The following BCL11B variants were observed in gnomAD, a reference collection of about 807,000 sequenced individuals.
BCL11B encodes BCL11 transcription factor B.
A neutral mutation model predicts 49.9 loss-of-function variants in BCL11B; 8 were observed. That is an observed-to-expected ratio of 0.16 (90% CI 0.09 to 0.29). BCL11B has a LOEUF of 0.29. Ranked by LOEUF, BCL11B falls within the 10% of genes least tolerant of loss-of-function variation. The probability of loss-of-function intolerance (pLI) is 1.00; values close to 1 mark genes in which losing one functional copy is unlikely to be tolerated. For missense variants in BCL11B, 1,006 were observed against 1,351.0 expected, an observed-to-expected ratio of 0.74 and a Z score of 4.00; for synonymous variants, 739 against 637.4, an observed-to-expected ratio of 1.16 and a Z score of -2.40.
At chr14:99,190,907 C>CGGGGGG (rs5810925) in intron 3 of BCL11B, among the ~76,000 whole-genome samples, 8 of 151,396 alleles carry the variant, frequency 5.3e-5, no homozygotes, top group African/African-American at 1.9e-4. Context: ...TTCGGCCACA[C>CGGGGGG]GGGGGGGGTC....
In BCL11B at chr14:99,175,219, C is replaced by A. The variant is rs376168981; in HGVS notation, c.1617G>T (p.Glu539Asp). ...TCTCCAGTAGCAGCTCCTCCTCCTC[C>A]TCCTCCTCCTCCTCGTCCTCCTCCT... is the stretch of plus-strand genomic sequence containing the variant. ...EPEEEDEEEEEEEEELLLENE... is the reference protein window; with the variant it reads ...EPEEEDEEEEDEEEELLLENE... The change falls in exon 4 of 4, where the codon GAG (glutamate) becomes GAT (aspartate). Residue 539 changes from glutamate (E) to aspartate (D), a missense_variant. Around this residue, in one of 6 missense-constraint regions of BCL11B, gnomAD observed 443 missense variants for 499.7 expected, o/e 0.89. Transcript: ENST00000357195. 1 of 1,550,788 alleles carries A rather than the reference C, an allele frequency of 6.4e-7. No individual in the cohort carries two copies.
At chr14:99,237,201 T>G (rs1452263233) in intron 2 of BCL11B, among the ~76,000 whole-genome samples, 1 of 151,876 alleles carries the variant, frequency 6.6e-6, no homozygotes, top group African/African-American at 2.4e-5. Context: ...ATAAATTCCT[T>G]CACTCCACAG....
intron 2 of BCL11B, among the ~76,000 whole-genome samples, chr14:99,237,077 T>C (rs1325604148): frequency 6.9e-6 from 1 of 144,112 alleles, no homozygotes; most frequent in Non-Finnish European, 1.5e-5. Flanking sequence ...GTGGGGGGTG[T>C]AGAGGGGGAG....
chr14:99,238,760 G>A (rs943639143), intron 2 of BCL11B, among the ~76,000 whole-genome samples: 2 of 152,182 alleles, frequency 1.3e-5, no homozygotes, highest in Non-Finnish European at 2.9e-5. Context: ...CTCCAGCCGG[G>A]ACGCTGATCA....
rs1289841945 is a variant in BCL11B, at chr14:99,194,349, C to T, written c.641-18154G>A. On this transcript the variant is annotated intron_variant, in intron 3 of 3. Transcript: ENST00000357195. This position sits in a 1 kb window ranked among gnomAD's most constrained non-coding sequence, Gnocchi z 4.6. ...ACACACCCAGTTCTGGTAAGATGGG[C>T]CCGCCAAGGAGCCAGTGCTCCTGGA... 6.6e-6 allele frequency among the ~76,000 whole-genome samples: 1 copy of T among 152,230 alleles called. No homozygotes were observed. Among genetic ancestry groups the T allele is most frequent in the Non-Finnish European group, 1.5e-5 (1 of 68,042 alleles).
At chr14:99,266,283 A>C (rs1280999505) in intron 1 of BCL11B, among the ~76,000 whole-genome samples, 7 of 152,172 alleles carry the variant, frequency 4.6e-5, no homozygotes, top group Non-Finnish European at 7.3e-5. Flanking sequence ...ACGACTCCCA[A>C]AAGCAGCAAC....
At chr14:99,271,009 C>A (rs1388519298) in intron 1 of BCL11B, 152 bp downstream of exon 1, 7 of 777,838 alleles carry the variant, frequency 9.0e-6, no homozygotes, top group Non-Finnish European at 1.3e-5. Context: ...CCCCCGCCCC[C>A]CGCCATGCTC....
At chr14:99,265,394 A>T (rs34611983) in intron 1 of BCL11B, among the ~76,000 whole-genome samples, 2 of 152,028 alleles carry the variant, frequency 1.3e-5, no homozygotes, top group Non-Finnish European at 2.9e-5. Context: ...CTAACCAGGC[A>T]GCCAGAAGGT....
At chr14:99,177,602 A>T (rs1308204517) in intron 3 of BCL11B, among the ~76,000 whole-genome samples, 1 of 149,560 alleles carries the variant, frequency 6.7e-6, no homozygotes, top group Non-Finnish European at 1.5e-5. Flanking sequence ...AAGACATGGC[A>T]TGCGAGATCT....
At position 99,271,192 on chromosome 14, in the gene BCL11B, C is replaced by T; in HGVS notation, c.27G>A (p.Pro9=). The change falls in exon 1 of 4, where the codon CCG becomes CCA. Residue 9 remains proline (P), a synonymous_variant. Transcript: ENST00000357195. MSRRKQGN[P]QHLSQRELIT... The stretch of plus-strand genomic sequence containing the variant: ...TGAGCTCCCTCTGGGACAAGTGCTG[C>T]GGGTTGCCCTGTTTGCGGCGGGACA... 2 of 1,541,266 alleles carry T rather than the reference C, an allele frequency of 1.3e-6. No individual in the cohort carries two copies. The highest frequency in any genetic ancestry group is 1.7e-6 in the Non-Finnish European group (2 of 1,149,016).
At chr14:99,210,891 C>T (rs992382016) in intron 3 of BCL11B, among the ~76,000 whole-genome samples, 2 of 152,158 alleles carry the variant, frequency 1.3e-5, no homozygotes, top group Non-Finnish European at 2.9e-5. Context: ...ATGGAGAAGA[C>T]ACCTTCCCCT....
intron 1 of BCL11B, among the ~76,000 whole-genome samples, chr14:99,265,158 T>G (rs1889445796): frequency 1.3e-5 from 2 of 152,170 alleles, no homozygotes. Flanking sequence ...ACACAGACAT[T>G]CATTCCTAGT....
Position 99,213,422 on chromosome 14 carries a change from C to A in BCL11B, c.640+17923G>T, listed in dbSNP as rs553634892. 3.2e-4 allele frequency among the ~76,000 whole-genome samples: 48 copies of A among 152,312 alleles called. No homozygotes were observed. The highest frequency in any genetic ancestry group is 5.6e-4 in the Non-Finnish European group (38 of 68,032). ...TAACATGAATGCGACGTTTCCCCTC[C>A]AAAAATTCGAGGAACACCAAAATGA... On this transcript the variant is annotated intron_variant, in intron 3 of 3. Transcript: ENST00000357195. The surrounding 1 kb of genome is among the most constrained non-coding windows in gnomAD (Gnocchi z 5.1).
At chr14:99,227,318 G>A (rs1254325438) in intron 3 of BCL11B, among the ~76,000 whole-genome samples, 9 of 152,238 alleles carry the variant, frequency 5.9e-5, no homozygotes, top group East Asian at 1.9e-4. Context: ...CACCTGGCCC[G>A]TATGATCTCA....
At chr14:99,233,540 A>G (rs893581170) in intron 2 of BCL11B, among the ~76,000 whole-genome samples, 2 of 152,212 alleles carry the variant, frequency 1.3e-5, no homozygotes, top group African/African-American at 4.8e-5. Context: ...GGGTGAGGCC[A>G]CGACACAGCC....
Position 99,232,702 on chromosome 14 carries a change from G to A in BCL11B, c.428-1145C>T, listed in dbSNP as rs951989769. On this transcript the variant is annotated intron_variant, in intron 2 of 3. Coordinates refer to ENST00000357195, the MANE Select transcript of BCL11B (RefSeq NM_138576.4). This position sits in a 1 kb window ranked among gnomAD's most constrained non-coding sequence, Gnocchi z 5.1. ...ACTTCCTAACACACTGACGGGAACT[G>A]GGGCTTAGAATACCCATTGCACAGA... is the stretch of plus-strand genomic sequence containing the variant. Among the ~76,000 whole-genome samples the A allele has an allele frequency of 1.3e-5, 2 of 152,198 alleles. No individual in the cohort carries two copies. The highest frequency in any genetic ancestry group is 4.8e-5 in the African/African-American group (2 of 41,456).
chr14:99,229,003 A>AATGGAGGGATGGATGG (rs1555381656), intron 3 of BCL11B, among the ~76,000 whole-genome samples: 41 of 107,650 alleles, frequency 3.8e-4, no homozygotes, highest in African/African-American at 1.4e-3. Context: ...TACATGGATG[A>AATGGAGGGATGGATGG]ATGGATGGAT....
intron 2 of BCL11B, among the ~76,000 whole-genome samples, chr14:99,244,798 A>G (rs1888775910): frequency 6.6e-6 from 1 of 152,170 alleles, no homozygotes; most frequent in Non-Finnish European, 1.5e-5. Context: ...CTTACTCAAA[A>G]CGCCATGACG....
chr14:99,257,787 C>G lies in BCL11B; in HGVS notation c.111G>C (p.Glu37Asp), dbSNP rs1299952326. ...AAILEEDEGL[E>D]IEEPSGLGLM... ...GCCCCAGGCCACTTGGCTCCTCTAT[C>G]TCCAGACCCTCGTCTTCTTCGAGGA... is the stretch of plus-strand genomic sequence containing the variant. The change falls in exon 2 of 4, where the codon GAG (glutamate) becomes GAC (aspartate). Residue 37 changes from glutamate (E) to aspartate (D), a missense_variant. Coordinates refer to ENST00000357195, the MANE Select transcript of BCL11B (RefSeq NM_138576.4). The surrounding 1 kb of genome is among the most constrained non-coding windows in gnomAD (Gnocchi z 6.2). The G allele has an allele frequency of 1.3e-6, 2 of 1,577,936 alleles. No homozygotes were observed. Among genetic ancestry groups the G allele is most frequent in the Non-Finnish European group, 1.7e-6 (2 of 1,159,696 alleles).
Sources: gnomAD v4.1 joint callset for allele counts (sites outside exome capture counted in the v4.1 genomes callset) on GRCh38, gnomAD v4.1.1 for gene constraint, gnomAD v4.1.1 regional missense constraint, Gnocchi (gnomAD v3.1) non-coding constraint, MANE v1.5 for transcripts, NCBI Gene and HGNC (gene_info 2026-07-23, HGNC 2026-07-21) for gene names.